TRAPPC9: variants seen among roughly 807,000 people sequenced by gnomAD.
TRAPPC9 encodes the protein trafficking protein particle complex subunit 9.
A neutral mutation model predicts 124.0 loss-of-function variants in TRAPPC9; 83 were observed. The ratio of observed to expected loss-of-function variants is 0.67; its 90% CI spans 0.56 to 0.80. The LOEUF (loss-of-function observed/expected upper bound fraction) is 0.80, where lower values mean the gene tolerates loss of function less well. Ranked by LOEUF, TRAPPC9 falls within the 30% of genes least tolerant of loss-of-function variation. The pLI, the probability that TRAPPC9 is intolerant of heterozygous loss-of-function variation, is 0.00. For missense variants in TRAPPC9, 1,302 were observed against 1,508.3 expected (o/e 0.86, Z 2.27); for synonymous variants, 638 against 617.5 (o/e 1.03, Z -0.49).
At chr8:140,269,834 C>G (rs527639835) in intron 15 of TRAPPC9, among the ~76,000 whole-genome samples, 80 of 152,244 alleles carry the variant, frequency 5.3e-4, no homozygotes, top group African/African-American at 1.8e-3. Context: ...CACGGTCGCT[C>G]GTGCCTGTAA....
intron 9 of TRAPPC9, among the ~76,000 whole-genome samples, chr8:140,342,348 T>A (rs778443490): frequency 1.3e-5 from 2 of 152,192 alleles, no homozygotes; most frequent in African/African-American, 4.8e-5. Flanking sequence ...TATTTGGGAT[T>A]TTGAAGTACT....
chr8:139,993,834 G>A (rs1379849683), intron 18 of TRAPPC9, among the ~76,000 whole-genome samples: 2 of 151,986 alleles, frequency 1.3e-5, no homozygotes, highest in Non-Finnish European at 2.9e-5. Context: ...TAAAATACTC[G>A]ATATTATCTA....
intron 6 of TRAPPC9, among the ~76,000 whole-genome samples, chr8:140,402,726 C>T (rs1365388685): frequency 6.6e-6 from 1 of 151,066 alleles, no homozygotes; most frequent in Non-Finnish European, 1.5e-5. Flanking sequence ...GAAAGAAACA[C>T]TCTTAGATAT....
At chr8:140,424,813 T>TG (rs1321997801) in intron 5 of TRAPPC9, among the ~76,000 whole-genome samples, 1 of 151,990 alleles carries the variant, frequency 6.6e-6, no homozygotes, top group African/African-American at 2.4e-5. Flanking sequence ...CCGAAAACCG[T>TG]GAAACTCTTC....
intron 19 of TRAPPC9, among the ~76,000 whole-genome samples, chr8:139,918,696 C>T (rs1006901809): frequency 2.0e-5 from 3 of 152,262 alleles, no homozygotes; most frequent in African/African-American, 7.2e-5. Context: ...ACAGCCCCTT[C>T]GCTTGCACTT....
At chr8:140,393,937 G>A (rs979310348) in intron 7 of TRAPPC9, among the ~76,000 whole-genome samples, 2 of 152,034 alleles carry the variant, frequency 1.3e-5, no homozygotes, top group African/African-American at 4.8e-5. Flanking sequence ...ACAGGGCCAC[G>A]GAACCACATC....
In TRAPPC9 at chr8:139,825,986, CCAGG is replaced by C. The variant is rs1393480054; in HGVS notation, c.3055+59889_3055+59892del. ...GAGGATGTGCAACAGCAGGGGAGCT[CCAGG>C]GCCCCTGTCCTCTCCCAGGTGGGGG... is the stretch of plus-strand genomic sequence containing the variant. On this transcript the variant is annotated intron_variant, in intron 21 of 22. Coordinates refer to ENST00000438773, the MANE Select transcript of TRAPPC9 (RefSeq NM_001160372.4). The surrounding 1 kb of genome is among the most constrained non-coding windows in gnomAD (Gnocchi z 4.6). Among the ~76,000 whole-genome samples, 1 of 152,160 alleles carries C rather than the reference CCAGG, an allele frequency of 6.6e-6. No homozygotes were observed. The highest frequency in any genetic ancestry group is 1.5e-5 in the Non-Finnish European group (1 of 68,032).
chr8:140,372,429 C>T (rs2068309358), intron 7 of TRAPPC9, among the ~76,000 whole-genome samples: 2 of 152,180 alleles, frequency 1.3e-5, no homozygotes. Context: ...CGTCAGCCCT[C>T]ATCTGGAAGA....
rs2067899206 is a variant in TRAPPC9, at chr8:140,360,092, A to T, written c.1453T>A (p.Ser485Thr). Residue 485 changes from serine (S) to threonine (T), a missense_variant, in exon 9 of 23, where the codon TCC (serine) becomes ACC (threonine). By Grantham distance (58) the Ser-to-Thr change is moderately conservative (BLOSUM62 1). Coordinates refer to ENST00000438773, the MANE Select transcript of TRAPPC9 (RefSeq NM_001160372.4). ...GNPALSVRHL[S>T]FLLQTMLDFL... ...TCCAGCATGGTCTGTAGAAGGAAGGACAGGTGTCTGACAGAGAGGGCAGGG... is the reference window on the plus strand; with the variant it reads ...TCCAGCATGGTCTGTAGAAGGAAGGTCAGGTGTCTGACAGAGAGGGCAGGG... The T allele has an allele frequency of 6.2e-7, 1 of 1,614,218 alleles. No homozygotes were observed.
At chr8:139,799,903 T>C (rs1459947490) in intron 21 of TRAPPC9, among the ~76,000 whole-genome samples, 1 of 152,058 alleles carries the variant, frequency 6.6e-6, no homozygotes, top group African/African-American at 2.4e-5. Context: ...CTCAGGCCGA[T>C]GGGGAAAGAC....
At chr8:140,361,368 T>C (rs1187032759) in intron 8 of TRAPPC9, among the ~76,000 whole-genome samples, 1 of 152,100 alleles carries the variant, frequency 6.6e-6, no homozygotes, top group African/African-American at 2.4e-5. Flanking sequence ...CTGATGGGGC[T>C]GAGAGATGCT....
intron 4 of TRAPPC9, among the ~76,000 whole-genome samples, chr8:140,434,650 C>T (rs2070749502): frequency 6.6e-6 from 1 of 152,124 alleles, no homozygotes; most frequent in South Asian, 2.1e-4. Flanking sequence ...TGAAAGTATT[C>T]AATAAAATCA....
rs758517405 is a variant in TRAPPC9, at chr8:140,207,990, A to G, written c.2556+13469T>C. On this transcript the variant is annotated intron_variant, in intron 17 of 22. Coordinates refer to ENST00000438773, the MANE Select transcript of TRAPPC9 (RefSeq NM_001160372.4). The stretch of plus-strand genomic sequence containing the variant: ...AACATGGAGAAACCCCATCTCTACT[A>G]AAAATACAAAATTAGCCGAGTGTGG... 1.3e-4 allele frequency among the ~76,000 whole-genome samples: 20 copies of G among 152,200 alleles called. No individual in the cohort carries two copies. The South Asian group carries it at 4.0e-3, about 30-fold the overall frequency.
chr8:139,747,203 C>T (rs1015198662), intron 21 of TRAPPC9, among the ~76,000 whole-genome samples: 4 of 152,330 alleles, frequency 2.6e-5, no homozygotes, highest in African/African-American at 7.2e-5. Context: ...CCGCCCCCAC[C>T]GCTCTGTGTG....
At chr8:140,357,338 G>A (rs1032884369) in intron 9 of TRAPPC9, among the ~76,000 whole-genome samples, 11 of 152,118 alleles carry the variant, frequency 7.2e-5, no homozygotes, top group Admixed American at 6.5e-4. Context: ...CACAGCAGGC[G>A]AAGGAGTGAC....
intron 21 of TRAPPC9, among the ~76,000 whole-genome samples, chr8:139,793,465 C>T (rs1280314296): frequency 1.3e-5 from 2 of 152,218 alleles, no homozygotes; most frequent in South Asian, 2.1e-4. Context: ...TTCACAGGCT[C>T]CTGCCCGCCA....
chr8:139,839,179 C>T (rs1482023614), intron 21 of TRAPPC9, among the ~76,000 whole-genome samples: 1 of 152,220 alleles, frequency 6.6e-6, no homozygotes, highest in African/African-American at 2.4e-5. Context: ...AGGCCTGGGC[C>T]CAGGCACTCG....
intron 13 of TRAPPC9, among the ~76,000 whole-genome samples, chr8:140,286,443 G>T (rs2065486532): frequency 6.6e-6 from 1 of 152,204 alleles, no homozygotes; most frequent in Non-Finnish European, 1.5e-5. Context: ...TAGCAAGCAA[G>T]ACCAGGGCAA....
chr8:140,454,103 AC>A (rs2132724976), intron 1 of TRAPPC9, among the ~76,000 whole-genome samples: 1 of 152,214 alleles, frequency 6.6e-6, no homozygotes, highest in Non-Finnish European at 1.5e-5. Context: ...AGCCTGGTCA[AC>A]ATGACAAAAC....
Sources: allele counts gnomAD v4.1 joint callset (sites outside exome capture counted in the v4.1 genomes callset), GRCh38; gene constraint gnomAD v4.1.1; non-coding constraint Gnocchi (gnomAD v3.1); transcripts MANE v1.5; gene names NCBI Gene and HGNC (gene_info 2026-07-23, HGNC 2026-07-21).